SPRYD4: variants seen among roughly 807,000 people sequenced by gnomAD.
SPRYD4 encodes the protein SPRY domain-containing protein 4.
A neutral mutation model predicts 16.6 loss-of-function variants in SPRYD4; 12 were observed. The observed-to-expected ratio is 0.72, with a 90% CI of 0.46 to 1.17. The LOEUF (loss-of-function observed/expected upper bound fraction) is 1.17. Ranked by LOEUF, SPRYD4 falls within the 50% of genes most tolerant of loss-of-function variation. The probability of loss-of-function intolerance (pLI) is 0.00; values close to 1 mark genes in which losing one functional copy is unlikely to be tolerated. For missense variants in SPRYD4, 260 were observed against 260.2 expected (o/e 1.00, Z 0.00); for synonymous variants, 98 against 105.4 (o/e 0.93, Z 0.43).
In SPRYD4 at chr12:56,475,792, T is replaced by TC; in HGVS notation, c.*6216dup. 2 of 1,275,018 alleles carry TC rather than the reference T, an allele frequency of 1.6e-6. No homozygotes were observed. Among genetic ancestry groups the TC allele is most frequent in the Non-Finnish European group, 2.2e-6 (2 of 900,214 alleles). The allele number at this position is 1,275,018 out of a possible 1,614,324, so 79.0% of individuals were successfully genotyped here. On this transcript the variant is annotated 3_prime_UTR_variant, in exon 2 of 2. Coordinates refer to ENST00000338146, the MANE Select transcript of SPRYD4 (RefSeq NM_207344.4). ...CAGGTCTTGTCAAGAGGCTTTCCTC[T>TC]CTGAGGCCAGCAGATTTCCACATTT... is the stretch of plus-strand genomic sequence containing the variant.
intron 1 of SPRYD4, 170 bp downstream of exon 1, chr12:56,468,846 C>A: frequency 9.8e-7 from 1 of 1,023,164 alleles, no homozygotes; most frequent in Non-Finnish European, 1.4e-6. Context: ...AATTCCGGGA[C>A]TTACTCAATC....
chr12:56,474,884 C>G lies in SPRYD4; in HGVS notation c.*5307C>G. ...TCAAGGGCAGCCATCATGTCCACCC[C>G]CTTAGGAAAGCACTGCAAGGAAGAG... On this transcript the variant is annotated 3_prime_UTR_variant, in exon 2 of 2. Coordinates refer to ENST00000338146, the MANE Select transcript of SPRYD4 (RefSeq NM_207344.4). The G allele has an allele frequency of 6.2e-7, 1 of 1,614,142 alleles. No homozygotes were observed. Among genetic ancestry groups the G allele is most frequent in the Non-Finnish European group, 8.5e-7 (1 of 1,180,018 alleles).
rs1411034164 is a variant in SPRYD4 at position 56,469,307 on chromosome 12, T to C, written c.354T>C (p.Asp118=). 6.2e-7 allele frequency: 1 copy of C among 1,614,200 alleles called. No homozygotes were observed. The highest frequency in any genetic ancestry group is 8.5e-7 in the Non-Finnish European group (1 of 1,180,024). ...DMSRDSCIGV[D]DRSWVFTYAQ... is the part of the protein sequence containing the mutation. ...CCCGGGATAGCTGCATTGGTGTTGA[T>C]GATCGTTCCTGGGTGTTCACCTATG... The change falls in exon 2 of 2, where the codon GAT becomes GAC. Residue 118 remains aspartate (D), a synonymous_variant. Transcript: ENST00000338146.
At position 56,479,462 on chromosome 12, in the gene SPRYD4, C is replaced by G; in HGVS notation, c.*9885C>G. 1 of 390,520 alleles carries G rather than the reference C, an allele frequency of 2.6e-6. No individual in the cohort carries two copies. Among genetic ancestry groups the G allele is most frequent in the Non-Finnish European group, 4.5e-6 (1 of 223,878 alleles). The allele number at this position is 390,520 out of a possible 1,614,324, so 24.2% of individuals were successfully genotyped here. A position where few individuals can be genotyped will look rare whatever the true frequency, so the allele number is the denominator to read the frequency against. Reference sequence around the variant, plus strand: ...TATGTTACCTTGATATTTAAAAAATCCTAAATCATAAAAGTATATTTATAT... The same window carrying G: ...TATGTTACCTTGATATTTAAAAAATGCTAAATCATAAAAGTATATTTATAT... On this transcript the variant is annotated 3_prime_UTR_variant, in exon 2 of 2. Coordinates refer to ENST00000338146, the MANE Select transcript of SPRYD4 (RefSeq NM_207344.4).
In SPRYD4 at chr12:56,475,918, C is replaced by T; in HGVS notation, c.*6341C>T. The stretch of plus-strand genomic sequence containing the variant: ...ACAGCATGCCATGGCGAAATGCAGC[C>T]AGGGGCTAAGTAGCAAGGGAACTTA... On this transcript the variant is annotated 3_prime_UTR_variant, in exon 2 of 2. Transcript: ENST00000338146. 1 of 1,613,552 alleles carries T rather than the reference C, an allele frequency of 6.2e-7. No homozygotes were observed. Among genetic ancestry groups the T allele is most frequent in the Non-Finnish European group, 8.5e-7 (1 of 1,179,640 alleles).
chr12:56,471,120 G>A lies in SPRYD4; in HGVS notation c.*1543G>A, dbSNP rs1869223849. 2 of 396,594 alleles carry A rather than the reference G, an allele frequency of 5.0e-6. No homozygotes were observed. Among genetic ancestry groups the A allele is most frequent in the Admixed American group, 4.2e-5 (1 of 24,086 alleles). 24.6% of individuals were successfully genotyped at this position (396,594 alleles called of 1,614,324 possible). The stretch of plus-strand genomic sequence containing the variant: ...TCCCATATTCTGTGGATATGTACAT[G>A]TGCATGGTAGCTAGAGTCCCTCCAC... On this transcript the variant is annotated 3_prime_UTR_variant, in exon 2 of 2. Transcript: ENST00000338146.
rs148125701 is a variant in SPRYD4 at position 56,474,340 on chromosome 12, C to T, written c.*4763C>T. 276 of 611,612 alleles carry T rather than the reference C, an allele frequency of 4.5e-4. 2 individuals are homozygous for T. Among genetic ancestry groups the T allele is most frequent in the Admixed American group, 3.9e-3 (129 of 33,454 alleles). The allele number at this position is 611,612 out of a possible 1,614,324, so 37.9% of individuals were successfully genotyped here. The stretch of plus-strand genomic sequence containing the variant: ...CTGACCTCAGGTGATCCACCTGCCT[C>T]GGCCTCCCAAAGACATCTCTTTATA... On this transcript the variant is annotated 3_prime_UTR_variant, in exon 2 of 2. Transcript: ENST00000338146.
Position 56,476,200 on chromosome 12 carries a change from T to G in SPRYD4, c.*6623T>G. 4.2e-6 allele frequency: 1 copy of G among 238,978 alleles called. No individual in the cohort carries two copies. The highest frequency in any genetic ancestry group is 6.7e-5 in the South Asian group (1 of 14,856). The allele number at this position is 238,978 out of a possible 1,614,324, so 14.8% of individuals were successfully genotyped here. On this transcript the variant is annotated 3_prime_UTR_variant, in exon 2 of 2. Transcript: ENST00000338146. ...AGACAGTCTTGCTTTGTCACCCTTG[T>G]CACCCAGGCTGGAGTGCAGTGGCAC...
At position 56,472,810 on chromosome 12, in the gene SPRYD4, C is replaced by T; in HGVS notation, c.*3233C>T. 1 of 1,438,906 alleles carries T rather than the reference C, an allele frequency of 6.9e-7. No homozygotes were observed. Among genetic ancestry groups the T allele is most frequent in the Non-Finnish European group, 9.8e-7 (1 of 1,021,138 alleles). 89.1% of individuals were successfully genotyped at this position (1,438,906 alleles called of 1,614,324 possible). On this transcript the variant is annotated 3_prime_UTR_variant, in exon 2 of 2. Coordinates refer to ENST00000338146, the MANE Select transcript of SPRYD4 (RefSeq NM_207344.4). ...TGAACTCACCTATGCCAGCTGTGCCCTGTGACCCTCCTCCATGGATGCTTA... is the reference window on the plus strand; with the variant it reads ...TGAACTCACCTATGCCAGCTGTGCCTTGTGACCCTCCTCCATGGATGCTTA...
At position 56,478,338 on chromosome 12, in the gene SPRYD4, A is replaced by C. The variant is rs1870007171; in HGVS notation, c.*8761A>C. ...AGAGTTGAGGTTGAGGGTCAAGAGAATCTTTTAGATAAAAGCTAAAATTCT... is the reference window on the plus strand; with the variant it reads ...AGAGTTGAGGTTGAGGGTCAAGAGACTCTTTTAGATAAAAGCTAAAATTCT... On this transcript the variant is annotated 3_prime_UTR_variant, in exon 2 of 2. Transcript: ENST00000338146. 4.7e-6 allele frequency: 7 copies of C among 1,474,714 alleles called. No homozygotes were observed. The highest frequency in any genetic ancestry group is 6.6e-6 in the Non-Finnish European group (7 of 1,061,388). 91.4% of individuals were successfully genotyped at this position (1,474,714 alleles called of 1,614,324 possible). A position where few individuals can be genotyped will look rare whatever the true frequency, so the allele number is the denominator to read the frequency against.
chr12:56,474,890 G>GAAA lies in SPRYD4; in HGVS notation c.*5314_*5316dup. 1 of 1,614,122 alleles carries GAAA rather than the reference G, an allele frequency of 6.2e-7. No homozygotes were observed. Among genetic ancestry groups the GAAA allele is most frequent in the African/African-American group, 1.3e-5 (1 of 75,032 alleles). On this transcript the variant is annotated 3_prime_UTR_variant, in exon 2 of 2. Transcript: ENST00000338146. ...GCAGCCATCATGTCCACCCCCTTAG[G>GAAA]AAAGCACTGCAAGGAAGAGAGGGGA...
In SPRYD4 at chr12:56,479,659, A is replaced by G; in HGVS notation, c.*10082A>G. On this transcript the variant is annotated 3_prime_UTR_variant, in exon 2 of 2. Coordinates refer to ENST00000338146, the MANE Select transcript of SPRYD4 (RefSeq NM_207344.4). ...TGAGTATTCATGTATAACTTATGTA[A>G]TAAGTAATAAAATAAAATGAGGAAT... 8.5e-7 allele frequency: 1 copy of G among 1,176,286 alleles called. No homozygotes were observed. Among genetic ancestry groups the G allele is most frequent in the Non-Finnish European group, 1.1e-6 (1 of 881,812 alleles). The allele number at this position is 1,176,286 out of a possible 1,614,324, so 72.9% of individuals were successfully genotyped here.
chr12:56,476,011 G>A lies in SPRYD4; in HGVS notation c.*6434G>A. ...AAAGAGAGAGATGTCAGCATTCTAA[G>A]TGTAGGAGGATGACAGAGGGAAGGG... On this transcript the variant is annotated 3_prime_UTR_variant, in exon 2 of 2. Transcript: ENST00000338146. 6.2e-7 allele frequency: 1 copy of A among 1,605,402 alleles called. No individual in the cohort carries two copies. Among genetic ancestry groups the A allele is most frequent in the Non-Finnish European group, 8.5e-7 (1 of 1,175,538 alleles).
At position 56,472,885 on chromosome 12, in the gene SPRYD4, CTTTTTTTT is replaced by C; in HGVS notation, c.*3321_*3328del. The C allele has an allele frequency of 1.5e-5, 6 of 399,730 alleles. No individual in the cohort carries two copies. Among genetic ancestry groups the C allele is most frequent in the East Asian group, 5.0e-5 (1 of 20,094 alleles). The allele number at this position is 399,730 out of a possible 1,614,324, so 24.8% of individuals were successfully genotyped here. A position where few individuals can be genotyped will look rare whatever the true frequency, so the allele number is the denominator to read the frequency against. On this transcript the variant is annotated 3_prime_UTR_variant, in exon 2 of 2. Transcript: ENST00000338146. ...ATGGAATGTGCTACTCTGAAATATT[CTTTTTTTT>C]TTTTTTTTTTTTGAGACGGAGTCTC...
At position 56,473,049 on chromosome 12, in the gene SPRYD4, C is replaced by T. The variant is rs1869450659; in HGVS notation, c.*3472C>T. 9.4e-6 allele frequency: 6 copies of T among 635,018 alleles called. No homozygotes were observed. In the East Asian group the frequency reaches 1.7e-4, roughly 18 times the overall value. The allele number at this position is 635,018 out of a possible 1,614,324, so 39.3% of individuals were successfully genotyped here. The stretch of plus-strand genomic sequence containing the variant: ...GGACCACAGGCGCGTGCCACCACGT[C>T]TGGCTAATTTTTTGTATTTTCAATA... On this transcript the variant is annotated 3_prime_UTR_variant, in exon 2 of 2. Coordinates refer to ENST00000338146, the MANE Select transcript of SPRYD4 (RefSeq NM_207344.4).
chr12:56,469,679 A>G lies in SPRYD4; in HGVS notation c.*102A>G, dbSNP rs1869155161. 5 of 1,160,118 alleles carry G rather than the reference A, an allele frequency of 4.3e-6. No individual in the cohort carries two copies. The African/African-American group carries it at 6.2e-5, about 14-fold the overall frequency. The allele number at this position is 1,160,118 out of a possible 1,614,324, so 71.9% of individuals were successfully genotyped here. A position where few individuals can be genotyped will look rare whatever the true frequency, so the allele number is the denominator to read the frequency against. ...CCTCAAGCAACCTCTAGCTCCCACA[A>G]TTCAGTGTTGGGTCCTCTGTGCAAT... On this transcript the variant is annotated 3_prime_UTR_variant, in exon 2 of 2. Transcript: ENST00000338146.
At position 56,473,098 on chromosome 12, in the gene SPRYD4, C is replaced by T; in HGVS notation, c.*3521C>T. The T allele has an allele frequency of 1.2e-6, 1 of 812,400 alleles. No individual in the cohort carries two copies. Among genetic ancestry groups the T allele is most frequent in the South Asian group, 1.7e-5 (1 of 58,918 alleles). The allele number at this position is 812,400 out of a possible 1,614,324, so 50.3% of individuals were successfully genotyped here. A position where few individuals can be genotyped will look rare whatever the true frequency, so the allele number is the denominator to read the frequency against. On this transcript the variant is annotated 3_prime_UTR_variant, in exon 2 of 2. Transcript: ENST00000338146. Reference sequence around the variant, plus strand: ...TAGAGACCAGGTTTCACCGTGTTAGCCAGGATGGTCTTGATCTCCTGACCT... The same window carrying T: ...TAGAGACCAGGTTTCACCGTGTTAGTCAGGATGGTCTTGATCTCCTGACCT...
In SPRYD4 at chr12:56,474,600, G is replaced by A. The variant is rs756449076; in HGVS notation, c.*5023G>A. The A allele has an allele frequency of 6.2e-7, 1 of 1,614,200 alleles. No homozygotes were observed. The highest frequency in any genetic ancestry group is 8.5e-7 in the Non-Finnish European group (1 of 1,180,050). ...ATGCCGCAGGAATGCATGAGGCTGA[G>A]GGTGTTGCGCACTGCTTCAGCACTC... On this transcript the variant is annotated 3_prime_UTR_variant, in exon 2 of 2. Coordinates refer to ENST00000338146, the MANE Select transcript of SPRYD4 (RefSeq NM_207344.4).
Position 56,479,636 on chromosome 12 carries a change from A to C in SPRYD4, c.*10059A>C. 1 of 937,122 alleles carries C rather than the reference A, an allele frequency of 1.1e-6. No individual in the cohort carries two copies. The allele number at this position is 937,122 out of a possible 1,614,324, so 58.1% of individuals were successfully genotyped here. A position where few individuals can be genotyped will look rare whatever the true frequency, so the allele number is the denominator to read the frequency against. On this transcript the variant is annotated 3_prime_UTR_variant, in exon 2 of 2. Transcript: ENST00000338146. ...CTATATTGTTTGAACTCTTATGATG[A>C]GTATTCATGTATAACTTATGTAATA...
Sources: allele counts gnomAD v4.1 joint callset, GRCh38; gene constraint gnomAD v4.1.1; transcripts MANE v1.5; gene names NCBI Gene and HGNC (gene_info 2026-07-23, HGNC 2026-07-21).